ZBTB16: variants seen among roughly 807,000 people sequenced by gnomAD.
ZBTB16 encodes the protein zinc finger and BTB domain containing 16.
ZBTB16 carries 8 observed loss-of-function variants against 56.8 expected under a neutral mutation model. That is an observed-to-expected ratio of 0.14 (90% CI 0.08 to 0.25). ZBTB16 has a LOEUF of 0.25. Ranked by LOEUF, ZBTB16 falls within the 10% of genes least tolerant of loss-of-function variation. The probability of loss-of-function intolerance (pLI) is 1.00; values close to 1 mark genes in which losing one functional copy is unlikely to be tolerated. For missense variants in ZBTB16, 625 were observed against 903.0 expected (o/e 0.69, Z 3.95); for synonymous variants, 363 against 368.5 (o/e 0.98, Z 0.17).
intron 2 of ZBTB16, among the ~76,000 whole-genome samples, chr11:114,133,127 G>A (rs970989159): frequency 6.6e-6 from 1 of 151,966 alleles, no homozygotes; most frequent in Admixed American, 6.6e-5. Flanking sequence ...CAAAATTGCT[G>A]CCTGTCCATC....
intron 2 of ZBTB16, among the ~76,000 whole-genome samples, chr11:114,140,431 C>T (rs1049050821): frequency 1.3e-5 from 2 of 152,230 alleles, no homozygotes; most frequent in African/African-American, 2.4e-5. Context: ...GTATCCTTCA[C>T]TATGCCAAAT....
intron 2 of ZBTB16, among the ~76,000 whole-genome samples, chr11:114,098,750 AG>A (rs1336402269): frequency 2.0e-5 from 3 of 152,118 alleles, no homozygotes; most frequent in Admixed American, 2.0e-4. Flanking sequence ...ATCTGTATTT[AG>A]ATAAAGGTAG....
rs1944936508 is a variant in ZBTB16, at chr11:114,252,647, C to T, written c.*2092C>T. Among the ~76,000 whole-genome samples the T allele has an allele frequency of 6.6e-6, 1 of 152,036 alleles. No homozygotes were observed. Among genetic ancestry groups the T allele is most frequent in the South Asian group, 2.1e-4 (1 of 4,816 alleles). On this transcript the variant is annotated 3_prime_UTR_variant, in exon 7 of 7. Coordinates refer to ENST00000335953, the MANE Select transcript of ZBTB16 (RefSeq NM_006006.6). The stretch of plus-strand genomic sequence containing the variant: ...AGTTTTTTATTATTATTTTTTCTTT[C>T]CTTTCTCTCTCTGAGAAAGTTGTGG...
intron 2 of ZBTB16, among the ~76,000 whole-genome samples, chr11:114,144,648 C>G (rs555778171): frequency 6.6e-6 from 1 of 152,362 alleles, no homozygotes; most frequent in South Asian, 2.1e-4. Context: ...TGGCTGTCTT[C>G]TCAGCAGGTT....
chr11:114,149,093 A>C (rs1942219886), intron 2 of ZBTB16, among the ~76,000 whole-genome samples: 2 of 152,194 alleles, frequency 1.3e-5, no homozygotes, highest in Admixed American at 1.3e-4. Flanking sequence ...CAGCCAGCAC[A>C]GACCCATGTC....
intron 2 of ZBTB16, among the ~76,000 whole-genome samples, chr11:114,068,054 C>G (rs1488998628): frequency 2.3e-5 from 1 of 43,202 alleles, no homozygotes; most frequent in Non-Finnish European, 4.4e-5. Context: ...AAACAAAAAG[C>G]CAAGACAAAA....
chr11:114,181,505 C>T (rs661608), intron 3 of ZBTB16, among the ~76,000 whole-genome samples: 27,537 of 152,230 alleles, frequency 0.18, 2,890 homozygotes, highest in African/African-American at 0.3. Context: ...CTCTGCTATC[C>T]ACAGAATGTT....
intron 4 of ZBTB16, among the ~76,000 whole-genome samples, chr11:114,197,682 G>T (rs1360407990): frequency 6.7e-6 from 1 of 150,246 alleles, no homozygotes; most frequent in African/African-American, 2.5e-5. Context: ...GGGGCAGGGG[G>T]TGGGGTGGGA....
In ZBTB16 at chr11:114,252,802, C is replaced by T. The variant is rs1323280312; in HGVS notation, c.*2247C>T. ...GACCCCCCCGTCCCTCGGCCCCAGC[C>T]CTCCTGCCCTCCCCTTCAATCTCAT... On this transcript the variant is annotated 3_prime_UTR_variant, in exon 7 of 7. Coordinates refer to ENST00000335953, the MANE Select transcript of ZBTB16 (RefSeq NM_006006.6). 6.6e-6 allele frequency among the ~76,000 whole-genome samples: 1 copy of T among 152,070 alleles called. No individual in the cohort carries two copies. Among genetic ancestry groups the T allele is most frequent in the Non-Finnish European group, 1.5e-5 (1 of 68,014 alleles).
At position 114,185,432 on chromosome 11, in the gene ZBTB16, G is replaced by A. The variant is rs558937185; in HGVS notation, c.1367-1520G>A. Among the ~76,000 whole-genome samples the A allele has an allele frequency of 4.0e-4, 61 of 152,358 alleles. 1 individual carries two copies. The Middle Eastern group carries it at 0.01, about 25-fold the overall frequency. ...GTGGTGCCCAGAGAGGGCCGGTGAGGACAGCTTACCTATGGAGGTGGGTGG... is the reference window on the plus strand; with the variant it reads ...GTGGTGCCCAGAGAGGGCCGGTGAGAACAGCTTACCTATGGAGGTGGGTGG... On this transcript the variant is annotated intron_variant, in intron 3 of 6. Coordinates refer to ENST00000335953, the MANE Select transcript of ZBTB16 (RefSeq NM_006006.6).
chr11:114,230,632 G>GC (rs1555159020), intron 4 of ZBTB16, among the ~76,000 whole-genome samples: 4 of 986 alleles, frequency 4.1e-3, no homozygotes, highest in Admixed American at 0.015. Flanking sequence ...CATCTTCTGT[G>GC]GGGGGGGGGC....
rs185938958 is a variant in ZBTB16, at chr11:114,079,019, C to T, written c.1268+14451C>T. ...CCCAGCTAGTCGGGAGAGGCTGAGG[C>T]AGGAAAATTGCTTGAAGGAGGCGGA... On this transcript the variant is annotated intron_variant, in intron 2 of 6. Coordinates refer to ENST00000335953, the MANE Select transcript of ZBTB16 (RefSeq NM_006006.6). Among the ~76,000 whole-genome samples, 836 of 151,070 alleles carry T rather than the reference C, an allele frequency of 5.5e-3. 8 individuals carry two copies. Among genetic ancestry groups the T allele is most frequent in the Non-Finnish European group, 6.7e-3 (457 of 67,824 alleles).
chr11:114,072,879 C>T (rs1371327822), intron 2 of ZBTB16, among the ~76,000 whole-genome samples: 3 of 151,754 alleles, frequency 2.0e-5, no homozygotes, highest in African/African-American at 4.8e-5. Context: ...AGTGAAACCC[C>T]GTCTCTACTA....
intron 4 of ZBTB16, among the ~76,000 whole-genome samples, chr11:114,215,377 G>T (rs557875534): frequency 3.9e-5 from 6 of 152,222 alleles, no homozygotes; most frequent in African/African-American, 1.4e-4. Flanking sequence ...TCATTCTGGA[G>T]GATTGAGATG....
chr11:114,167,491 T>G (rs531549991), intron 3 of ZBTB16, among the ~76,000 whole-genome samples: 2 of 151,746 alleles, frequency 1.3e-5, no homozygotes, highest in Non-Finnish European at 2.9e-5. Flanking sequence ...TAGGATTTTT[T>G]TCACCTTTGA....
At chr11:114,109,937 G>A (rs1187948379) in intron 2 of ZBTB16, among the ~76,000 whole-genome samples, 2 of 152,210 alleles carry the variant, frequency 1.3e-5, no homozygotes, top group African/African-American at 4.8e-5. Context: ...CAGGACCGGA[G>A]GATAGAGCAG....
At position 114,211,020 on chromosome 11, in the gene ZBTB16, C is replaced by T. The variant is rs143196652; in HGVS notation, c.1453+23982C>T. The stretch of plus-strand genomic sequence containing the variant: ...GCAACCTCCGCCTCCTGGGTTCAAG[C>T]GATTCTCCTGCCTCAGCCTCCCGAG... On this transcript the variant is annotated intron_variant, in intron 4 of 6. Transcript: ENST00000335953. The T allele has an allele frequency of 2.9e-3, 494 of 171,272 alleles. 2 individuals carry two copies. The highest frequency in any genetic ancestry group is 0.01 in the African/African-American group (428 of 42,080). 10.6% of individuals were successfully genotyped at this position (171,272 alleles called of 1,614,324 possible).
At chr11:114,219,511 A>G (rs1240576879) in intron 4 of ZBTB16, among the ~76,000 whole-genome samples, 10 of 152,048 alleles carry the variant, frequency 6.6e-5, no homozygotes, top group East Asian at 1.9e-4. Context: ...CCTTATTCCA[A>G]TCAGAAGATT....
At chr11:114,130,512 A>C (rs1271168313) in intron 2 of ZBTB16, among the ~76,000 whole-genome samples, 1 of 152,246 alleles carries the variant, frequency 6.6e-6, no homozygotes, top group Non-Finnish European at 1.5e-5. Context: ...GTGTATGGGC[A>C]TGTGTGCTTG....
Sources: allele counts gnomAD v4.1 joint callset (sites outside exome capture counted in the v4.1 genomes callset), GRCh38; gene constraint gnomAD v4.1.1; transcripts MANE v1.5; gene names NCBI Gene and HGNC (gene_info 2026-07-23, HGNC 2026-07-21).